Variants in SLC9A9 observed in about 807,000 individuals in gnomAD.
SLC9A9 encodes the protein solute carrier family 9 member A9, also known as sodium/hydrogen exchanger 9.
Under a neutral mutation model 77.8 loss-of-function variants are expected in SLC9A9, and 62 were observed. The observed-to-expected ratio is 0.80, with a 90% CI of 0.65 to 0.98. The LOEUF (loss-of-function observed/expected upper bound fraction) is 0.98. Among genes scored for constraint, SLC9A9 ranks in the 50% least tolerant of loss-of-function variants. The pLI is 0.00. For synonymous variants in SLC9A9, 320 were observed against 283.5 expected (o/e 1.13, Z -1.29); for missense variants, 775 against 774.9 (o/e 1.00, Z 0.00).
intron 2 of SLC9A9, among the ~76,000 whole-genome samples, chr3:143,826,312 A>G (rs1253237821): frequency 6.6e-6 from 1 of 151,828 alleles, no homozygotes; most frequent in Non-Finnish European, 1.5e-5. Flanking sequence ...CCTACAAATC[A>G]ACTCCTTCTT....
chr3:143,447,690 C>T (rs1350563820), intron 12 of SLC9A9, among the ~76,000 whole-genome samples: 1 of 152,170 alleles, frequency 6.6e-6, no homozygotes, highest in Non-Finnish European at 1.5e-5. Context: ...ACTCATAATG[C>T]TGACAATGGT....
intron 4 of SLC9A9, among the ~76,000 whole-genome samples, chr3:143,704,204 A>G (rs1209713533): frequency 6.6e-6 from 1 of 152,212 alleles, no homozygotes; most frequent in Admixed American, 6.5e-5. Flanking sequence ...GAAGGAGGGA[A>G]TACTTTCACA....
Position 143,493,690 on chromosome 3 carries a change from C to T in SLC9A9, c.1278G>A (p.Lys426=). The change falls in exon 11 of 16, where the codon AAG becomes AAA. Residue 426 remains lysine, a synonymous_variant. Transcript: ENST00000316549. ...SFLLNLGRKQ[K]IPWNFQHMMM... is the part of the protein sequence containing the mutation. ...TCATGTGCTGAAAGTTCCAGGGGAT[C>T]TTCTGTTTTCGGCCTAGATTCAGGA... 6.2e-7 allele frequency: 1 copy of T among 1,614,080 alleles called. No individual in the cohort carries two copies. The highest frequency in any genetic ancestry group is 1.3e-5 in the African/African-American group (1 of 75,040).
At chr3:143,737,165 C>T (rs141146706) in intron 4 of SLC9A9, among the ~76,000 whole-genome samples, 19 of 152,258 alleles carry the variant, frequency 1.2e-4, no homozygotes, top group African/African-American at 3.8e-4. Context: ...TTCTAGATCT[C>T]TTTCGTCACG....
chr3:143,466,003 G>A (rs534296026), intron 12 of SLC9A9, among the ~76,000 whole-genome samples: 1 of 152,282 alleles, frequency 6.6e-6, no homozygotes, highest in Non-Finnish European at 1.5e-5. Flanking sequence ...TGTGAGACCT[G>A]CAGTGAATGG....
At chr3:143,307,958 A>G (rs2030863168) in intron 14 of SLC9A9, among the ~76,000 whole-genome samples, 1 of 152,176 alleles carries the variant, frequency 6.6e-6, no homozygotes, top group Non-Finnish European at 1.5e-5. Context: ...TCCTGGAAAA[A>G]CCTGGATGGT....
At chr3:143,652,800 C>CAG (rs2038821178) in intron 5 of SLC9A9, among the ~76,000 whole-genome samples, 1 of 146,048 alleles carries the variant, frequency 6.8e-6, no homozygotes, top group Non-Finnish European at 1.5e-5. Flanking sequence ...CACACACACA[C>CAG]ACACACACAC....
chr3:143,737,377 G>A (rs1934965178), intron 4 of SLC9A9, among the ~76,000 whole-genome samples: 1 of 151,140 alleles, frequency 6.6e-6, no homozygotes, highest in African/African-American at 2.4e-5. Context: ...TTTATTTTTG[G>A]AAGACAGCAG....
In SLC9A9 at chr3:143,652,260, A is replaced by G; in HGVS notation, c.750T>C (p.Leu250=). 6.2e-7 allele frequency: 1 copy of G among 1,611,150 alleles called. No individual in the cohort carries two copies. The highest frequency in any genetic ancestry group is 8.5e-7 in the Non-Finnish European group (1 of 1,177,972). ...GGCCAAGTTCTGGTACTTACTATGT[A>G]AGGACTATGGCCACTGCATCATTCA... ...SVLNDAVAIV[L]TYSISIYSPK... The change falls in exon 6 of 16, where the codon CTT becomes CTC. Residue 250 remains leucine, a synonymous_variant. Coordinates refer to ENST00000316549, the MANE Select transcript of SLC9A9 (RefSeq NM_173653.4).
At chr3:143,789,886 A>C (rs1363718341) in intron 4 of SLC9A9, among the ~76,000 whole-genome samples, 1 of 152,200 alleles carries the variant, frequency 6.6e-6, no homozygotes, top group Non-Finnish European at 1.5e-5. Flanking sequence ...AATAATGTAA[A>C]CAACCTCATA....
At chr3:143,567,145 G>C (rs543733760) in intron 8 of SLC9A9, among the ~76,000 whole-genome samples, 25 of 152,158 alleles carry the variant, frequency 1.6e-4, no homozygotes, top group African/African-American at 5.5e-4. Flanking sequence ...GAATTCCTTA[G>C]GGTCATGTAT....
chr3:143,561,439 C>T (rs554489266), intron 8 of SLC9A9, among the ~76,000 whole-genome samples: 1 of 152,042 alleles, frequency 6.6e-6, no homozygotes, highest in South Asian at 2.1e-4. Flanking sequence ...GCAGAAAAAA[C>T]TTAACCAAGA....
chr3:143,687,795 T>A (rs573661372), intron 5 of SLC9A9, among the ~76,000 whole-genome samples: 1 of 151,996 alleles, frequency 6.6e-6, no homozygotes, highest in African/African-American at 2.4e-5. Flanking sequence ...CTTCCAATAA[T>A]GTATAAAATC....
intron 4 of SLC9A9, among the ~76,000 whole-genome samples, chr3:143,778,994 A>G (rs2007785049): frequency 6.6e-6 from 1 of 152,244 alleles, no homozygotes. Context: ...TTTCAATGAC[A>G]TGAATTTATA....
chr3:143,373,457 G>A (rs1319054850), intron 13 of SLC9A9, among the ~76,000 whole-genome samples: 1 of 151,946 alleles, frequency 6.6e-6, no homozygotes, highest in Admixed American at 6.5e-5. Flanking sequence ...AGAAGAGGGA[G>A]GTTGAAAGGA....
chr3:143,574,153 T>C lies in SLC9A9; in HGVS notation c.935A>G (p.Glu312Gly). ...FTKLCEFPML[E>G]TGLFFLLSWS... Reference sequence around the variant, plus strand: ...AGAAAGCAGGAAAAACAGGCCGGTTTCCAGCATCGGGAACTCACACAGCTT... The same window carrying C: ...AGAAAGCAGGAAAAACAGGCCGGTTCCCAGCATCGGGAACTCACACAGCTT... Residue 312 changes from glutamate to glycine, a missense_variant, in exon 8 of 16, where the codon GAA becomes GGA. Transcript: ENST00000316549. The C allele has an allele frequency of 3.1e-6, 5 of 1,613,520 alleles. No individual in the cohort carries two copies. The highest frequency in any genetic ancestry group is 1.3e-5 in the African/African-American group (1 of 74,996).
At chr3:143,811,476 C>T (rs1261383848) in intron 2 of SLC9A9, among the ~76,000 whole-genome samples, 2 of 152,124 alleles carry the variant, frequency 1.3e-5, no homozygotes, top group Non-Finnish European at 1.5e-5. Context: ...ATGCCTGCTT[C>T]CTAGAGTTGC....
intron 9 of SLC9A9, among the ~76,000 whole-genome samples, chr3:143,530,062 T>A (rs2036477615): frequency 6.6e-6 from 1 of 152,176 alleles, no homozygotes; most frequent in Non-Finnish European, 1.5e-5. Context: ...GTTGAAGCTA[T>A]TGACGTTGTA....
chr3:143,398,939 T>C (rs1379924619), intron 12 of SLC9A9, among the ~76,000 whole-genome samples: 1 of 152,078 alleles, frequency 6.6e-6, no homozygotes, highest in East Asian at 1.9e-4. Flanking sequence ...CATATTATAT[T>C]ATAGACCATA....
Sources: gnomAD v4.1 joint callset for allele counts (sites outside exome capture counted in the v4.1 genomes callset) on GRCh38, gnomAD v4.1.1 for gene constraint, MANE v1.5 for transcripts, NCBI Gene and HGNC (gene_info 2026-07-23, HGNC 2026-07-21) for gene names.